TDRD7: variants seen among roughly 807,000 people sequenced by gnomAD.
TDRD7 encodes the protein tudor domain-containing protein 7.
A neutral mutation model predicts 109.8 loss-of-function variants in TDRD7; 47 were observed. The ratio of observed to expected loss-of-function variants is 0.43; its 90% CI spans 0.34 to 0.55. The LOEUF (loss-of-function observed/expected upper bound fraction) is 0.55, where lower values mean the gene tolerates loss of function less well. Among genes scored for constraint, TDRD7 ranks in the 20% least tolerant of loss-of-function variants. The pLI is 0.03. For missense variants in TDRD7, 1,164 were observed against 1,319.2 expected (o/e 0.88, Z 1.82); for synonymous variants, 424 against 457.3 (o/e 0.93, Z 0.93).
At chr9:97,466,269 T>C (rs1828820669) in intron 8 of TDRD7, among the ~76,000 whole-genome samples, 1 of 152,106 alleles carries the variant, frequency 6.6e-6, no homozygotes. Flanking sequence ...GGTTGCTCAA[T>C]AGGAGAGGCC....
Position 97,495,865 on chromosome 9 carries a change from G to A in TDRD7, c.3279G>A (p.Glu1093=). 1 of 1,613,938 alleles carries A rather than the reference G, an allele frequency of 6.2e-7. No individual in the cohort carries two copies. Among genetic ancestry groups the A allele is most frequent in the Non-Finnish European group, 8.5e-7 (1 of 1,179,874 alleles). ...ATTTTATGTCAGAGTATCTGATAGA[G>A]CTTTCAAAAGTTAATTAATGACTGC... ...IHDFMSEYLI[E]LSKVN Residue 1093 remains glutamate (E), a synonymous_variant, in exon 17 of 17, where the codon GAG becomes GAA. Coordinates refer to ENST00000355295, the MANE Select transcript of TDRD7 (RefSeq NM_014290.3).
At chr9:97,437,618 T>G (rs779691331) in intron 4 of TDRD7, among the ~76,000 whole-genome samples, 3 of 152,190 alleles carry the variant, frequency 2.0e-5, no homozygotes, top group African/African-American at 4.8e-5. Context: ...TCTCAGCAGC[T>G]ACTTACCACG....
chr9:97,415,192 A>G (rs770865492), intron 1 of TDRD7, among the ~76,000 whole-genome samples: 15 of 152,242 alleles, frequency 9.9e-5, no homozygotes, highest in Non-Finnish European at 1.9e-4. Context: ...ACTTAAACTG[A>G]TGACATGAAA....
intron 2 of TDRD7, 95 bp downstream of exon 2, chr9:97,428,767 G>C (rs1261032771): frequency 8.6e-7 from 1 of 1,156,992 alleles, no homozygotes; most frequent in African/African-American, 1.5e-5. Flanking sequence ...ACGTCTAAGT[G>C]AAAGTACTAG....
At chr9:97,424,296 A>G (rs1031228481) in intron 1 of TDRD7, among the ~76,000 whole-genome samples, 1 of 151,436 alleles carries the variant, frequency 6.6e-6, no homozygotes, top group African/African-American at 2.4e-5. Flanking sequence ...CCTCAGATGA[A>G]CCGCCCACCT....
In TDRD7 at chr9:97,460,228, G is replaced by C. The variant is rs1248541232; in HGVS notation, c.906G>C (p.Lys302Asn). The C allele has an allele frequency of 5.0e-6, 8 of 1,614,100 alleles. No individual in the cohort carries two copies. The highest frequency in any genetic ancestry group is 6.8e-6 in the Non-Finnish European group (8 of 1,180,046). Residue 302 changes from lysine (K) to asparagine (N), a missense_variant, in exon 7 of 17, where the codon AAG becomes AAC. Transcript: ENST00000355295. ...AAGATTTACTTCTTTATCCAGCTAAGAGAAAGCAGCTTTTGAGAAGTGAAC... is the reference window on the plus strand; with the variant it reads ...AAGATTTACTTCTTTATCCAGCTAACAGAAAGCAGCTTTTGAGAAGTGAAC... ...GGQDLLLYPA[K>N]RKQLLRSELD...
intron 9 of TDRD7, among the ~76,000 whole-genome samples, chr9:97,471,964 A>G (rs967621281): frequency 2.0e-5 from 3 of 152,228 alleles, no homozygotes; most frequent in African/African-American, 4.8e-5. Context: ...ATGGCTTCTC[A>G]TATGTGTTAG....
At chr9:97,486,979 G>T (rs1022166855) in intron 15 of TDRD7, among the ~76,000 whole-genome samples, 193 bp from the exon 16 acceptor site, 11 of 152,158 alleles carry the variant, frequency 7.2e-5, no homozygotes, top group Non-Finnish European at 2.9e-5. Flanking sequence ...TAAGACAGTG[G>T]CAAAGCAGAG....
intron 6 of TDRD7, among the ~76,000 whole-genome samples, chr9:97,453,236 A>G (rs1372397719): frequency 6.6e-6 from 1 of 152,224 alleles, no homozygotes; most frequent in Non-Finnish European, 1.5e-5. Flanking sequence ...TGGGCTTTAC[A>G]GGCTCATCTG....
intron 12 of TDRD7, among the ~76,000 whole-genome samples, chr9:97,476,682 A>AG (rs964944277): frequency 1.6e-4 from 24 of 151,116 alleles, no homozygotes; most frequent in African/African-American, 5.1e-4. Flanking sequence ...CTCAACTTTC[A>AG]GGGGGGTCCC....
At chr9:97,458,843 G>T (rs1430022175) in intron 6 of TDRD7, among the ~76,000 whole-genome samples, 1 of 152,174 alleles carries the variant, frequency 6.6e-6, no homozygotes, top group Admixed American at 6.5e-5. Context: ...CTGATAACAA[G>T]ATAGCGCCTT....
At chr9:97,485,374 C>T (rs1829194815) in intron 15 of TDRD7, among the ~76,000 whole-genome samples, 1 of 152,132 alleles carries the variant, frequency 6.6e-6, no homozygotes, top group African/African-American at 2.4e-5. Flanking sequence ...TGAAGTCTTC[C>T]CTTAAGCTAT....
chr9:97,475,952 A>G (rs1371561297), intron 12 of TDRD7, among the ~76,000 whole-genome samples: 1 of 152,048 alleles, frequency 6.6e-6, no homozygotes, highest in African/African-American at 2.4e-5. Context: ...ATCTATTTTT[A>G]CTGCTGTATG....
At chr9:97,490,911 T>C (rs1829297793) in intron 16 of TDRD7, among the ~76,000 whole-genome samples, 1 of 127,610 alleles carries the variant, frequency 7.8e-6, no homozygotes, top group Non-Finnish European at 1.7e-5. Flanking sequence ...TTTCTTTTCT[T>C]TTTTTTTTTT....
chr9:97,457,972 G>A (rs571350813), intron 6 of TDRD7, among the ~76,000 whole-genome samples: 1 of 152,246 alleles, frequency 6.6e-6, no homozygotes, highest in East Asian at 1.9e-4. Context: ...ACACTTACCA[G>A]GGCCTATTAG....
At chr9:97,484,850 G>C (rs571851931) in intron 15 of TDRD7, among the ~76,000 whole-genome samples, 1 of 152,262 alleles carries the variant, frequency 6.6e-6, no homozygotes, top group South Asian at 2.1e-4. Context: ...ATGATTAAAG[G>C]TGAGGAGATC....
chr9:97,486,562 A>C (rs1057246791), intron 15 of TDRD7, among the ~76,000 whole-genome samples: 2 of 151,698 alleles, frequency 1.3e-5, no homozygotes. Flanking sequence ...AAAATTGCAA[A>C]CTTTTTTTGT....
Position 97,495,746 on chromosome 9 carries a change from C to G in TDRD7, c.3160C>G (p.Gln1054Glu), listed in dbSNP as rs764095465. 41 of 1,614,060 alleles carry G rather than the reference C, an allele frequency of 2.5e-5. No individual in the cohort carries two copies. The South Asian group carries it at 4.3e-4, about 17-fold the overall frequency. ...VEKKPLVALVQTVIENANPWD... is the reference protein window; with the variant it reads ...VEKKPLVALVETVIENANPWD... ...GAAGAAACCTCTGGTGGCACTGGTG[C>G]AGACAGTCATTGAAAATGCTAACCC... Residue 1054 changes from glutamine (Q) to glutamate (E), a missense_variant, in exon 17 of 17, where the codon CAG (glutamine) becomes GAG (glutamate). By Grantham distance (29) the Gln-to-Glu change is conservative. Coordinates refer to ENST00000355295, the MANE Select transcript of TDRD7 (RefSeq NM_014290.3).
At chr9:97,464,777 G>T in intron 7 of TDRD7, 65 bp from the exon 8 acceptor site, 1 of 1,588,214 alleles carries the variant, frequency 6.3e-7, no homozygotes, top group South Asian at 1.1e-5. Context: ...GGACAAAAAC[G>T]AATTCCTATT....
Sources: gnomAD v4.1 joint callset for allele counts (sites outside exome capture counted in the v4.1 genomes callset) on GRCh38, gnomAD v4.1.1 for gene constraint, MANE v1.5 for transcripts, NCBI Gene and HGNC (gene_info 2026-07-23, HGNC 2026-07-21) for gene names.